The following ENTREP2 variants were observed in gnomAD, a reference collection of about 807,000 sequenced individuals.
ENTREP2 encodes protein ENTREP2.
the ENTREP2 span, among the ~76,000 whole-genome samples, chr15:29,188,614 T>C: frequency 6.6e-6 from 1 of 152,192 alleles, no homozygotes; most frequent in East Asian, 1.9e-4. Context: ...GGCTGCATAG[T>C]AGAGAATCTT....
At chr15:29,159,845 C>A in the ENTREP2 span, among the ~76,000 whole-genome samples, 2 of 152,274 alleles carry the variant, frequency 1.3e-5, no homozygotes, top group Non-Finnish European at 2.9e-5. Flanking sequence ...AAGTCCCCAC[C>A]AGACTCAGGA....
At chr15:29,139,054 G>A in the ENTREP2 span, among the ~76,000 whole-genome samples, 1 of 152,266 alleles carries the variant, frequency 6.6e-6, no homozygotes, top group Admixed American at 6.5e-5. Flanking sequence ...CTGCGTGGTA[G>A]GAGGTGCCTT....
the ENTREP2 span, chr15:29,374,556 G>A: frequency 3.1e-4 from 47 of 151,714 alleles, no homozygotes; most frequent in Non-Finnish European, 4.9e-4. Context: ...CAATACATTG[G>A]TGCATTTTTT....
chr15:29,561,693 T>TATAATAATA, the ENTREP2 span, among the ~76,000 whole-genome samples: 1,033 of 147,692 alleles, frequency 7.0e-3, 10 homozygotes, highest in African/African-American at 0.024. Context: ...ATCTCAAAAT[T>TATAATAATA]ATAATAATAA....
At chr15:29,452,032 T>TA in the ENTREP2 span, among the ~76,000 whole-genome samples, 1 of 152,266 alleles carries the variant, frequency 6.6e-6, no homozygotes, top group Non-Finnish European at 1.5e-5. Flanking sequence ...AAATGCCTTT[T>TA]TATATTGTTA....
the ENTREP2 span, among the ~76,000 whole-genome samples, chr15:29,245,264 ATATG>A: frequency 6.6e-6 from 1 of 152,236 alleles, no homozygotes; most frequent in Non-Finnish European, 1.5e-5. Flanking sequence ...TGGAAAGTTC[ATATG>A]TATATTTTAG....
At chr15:29,183,488 C>T in the ENTREP2 span, among the ~76,000 whole-genome samples, 12 of 152,322 alleles carry the variant, frequency 7.9e-5, no homozygotes, top group South Asian at 2.5e-3. Flanking sequence ...CATCACTCCG[C>T]ATTCTAGCAC....
chr15:29,522,589 C>T, the ENTREP2 span, among the ~76,000 whole-genome samples: 1 of 152,264 alleles, frequency 6.6e-6, no homozygotes, highest in East Asian at 1.9e-4. Context: ...CTTTGTGGCA[C>T]ATTAGCTTGG....
At chr15:29,319,243 G>A in the ENTREP2 span, among the ~76,000 whole-genome samples, 1 of 152,098 alleles carries the variant, frequency 6.6e-6, no homozygotes, top group Non-Finnish European at 1.5e-5. Flanking sequence ...TAAACTCTTG[G>A]GTTTTCACAT....
At chr15:29,635,419 T>C in the ENTREP2 span, among the ~76,000 whole-genome samples, 1 of 152,276 alleles carries the variant, frequency 6.6e-6, no homozygotes, top group South Asian at 2.1e-4. Context: ...GGGTCTCCCA[T>C]GAGCCTGAGA....
At chr15:29,492,163 C>G in the ENTREP2 span, among the ~76,000 whole-genome samples, 48 of 152,182 alleles carry the variant, frequency 3.2e-4, no homozygotes, top group Admixed American at 3.1e-3. Context: ...CATAGACATC[C>G]CCATTTATTG....
At chr15:29,550,183 T>A in the ENTREP2 span, among the ~76,000 whole-genome samples, 3 of 152,184 alleles carry the variant, frequency 2.0e-5, no homozygotes, top group Non-Finnish European at 4.4e-5. Flanking sequence ...AGGCACAAGG[T>A]TCTTTACAGA....
the ENTREP2 span, among the ~76,000 whole-genome samples, chr15:29,664,109 A>G: frequency 1.3e-5 from 2 of 151,780 alleles, no homozygotes; most frequent in African/African-American, 4.8e-5. Flanking sequence ...TTACAATCTG[A>G]TGCATTCTTA....
the ENTREP2 span, among the ~76,000 whole-genome samples, chr15:29,515,691 T>C: frequency 6.7e-3 from 1,014 of 152,258 alleles, 7 homozygotes; most frequent in African/African-American, 0.023. Context: ...AGAAAATAAA[T>C]GTGTTTTGCT....
chr15:29,480,469 C>T, the ENTREP2 span, among the ~76,000 whole-genome samples: 1 of 151,548 alleles, frequency 6.6e-6, no homozygotes, highest in Non-Finnish European at 1.5e-5. Context: ...TTGTTCCCTG[C>T]GTGGACAGCA....
chr15:29,439,219 G>A, the ENTREP2 span, among the ~76,000 whole-genome samples: 4 of 151,442 alleles, frequency 2.6e-5, no homozygotes, highest in East Asian at 7.8e-4. Flanking sequence ...CTGATGGTAG[G>A]GGCAGGGAAA....
At chr15:29,284,285 C>T in the ENTREP2 span, among the ~76,000 whole-genome samples, 10 of 152,058 alleles carry the variant, frequency 6.6e-5, no homozygotes, top group African/African-American at 1.2e-4. Context: ...GGGCCGGGCG[C>T]GGTGGCTCAT....
the ENTREP2 span, among the ~76,000 whole-genome samples, chr15:29,649,887 T>C: frequency 6.6e-6 from 1 of 152,124 alleles, no homozygotes; most frequent in East Asian, 1.9e-4. Flanking sequence ...TTGACCAAAA[T>C]GCACAACAGA....
At chr15:29,587,686 G>A in the ENTREP2 span, among the ~76,000 whole-genome samples, 2 of 152,244 alleles carry the variant, frequency 1.3e-5, no homozygotes, top group Non-Finnish European at 2.9e-5. Context: ...TTGAGAGACA[G>A]TCTCGCTCTG....
Sources: allele counts gnomAD v4.1 joint callset (sites outside exome capture counted in the v4.1 genomes callset), GRCh38; gene constraint gnomAD v4.1.1; transcripts MANE v1.5; gene names NCBI Gene and HGNC (gene_info 2026-07-23, HGNC 2026-07-21).